NEDD9: variants seen among roughly 807,000 people sequenced by gnomAD.
The protein encoded by NEDD9 is enhancer of filamentation 1.
NEDD9 carries 26 observed loss-of-function variants against 76.6 expected under a neutral mutation model. That is an observed-to-expected ratio of 0.34 (90% CI 0.25 to 0.47). The LOEUF is 0.47. NEDD9 is among the 20% of genes least tolerant of loss of function. The probability of loss-of-function intolerance (pLI) is 1.00; values close to 1 mark genes in which losing one functional copy is unlikely to be tolerated. For synonymous variants in NEDD9, 392 were observed against 414.2 expected (o/e 0.95, Z 0.65); for missense variants, 937 against 1,058.5 (o/e 0.89, Z 1.59).
chr6:11,264,207 GGGCTGGGCAGT>G (rs1174390353), intron 3 of NEDD9, among the ~76,000 whole-genome samples: 1 of 152,186 alleles, frequency 6.6e-6, no homozygotes, highest in African/African-American at 2.4e-5. Flanking sequence ...TTGAGCCCAG[GGGCTGGGCAGT>G]GGCGAGAGGG....
chr6:11,273,949 C>T (rs777894609), intron 3 of NEDD9, among the ~76,000 whole-genome samples: 3 of 152,168 alleles, frequency 2.0e-5, no homozygotes, highest in Non-Finnish European at 2.9e-5. Flanking sequence ...CTGAATGTCA[C>T]GTCAACATCC....
chr6:11,306,808 T>C (rs1761197440), intron 2 of NEDD9, among the ~76,000 whole-genome samples: 2 of 152,232 alleles, frequency 1.3e-5, no homozygotes, highest in Non-Finnish European at 2.9e-5. Context: ...AATGTGGCTT[T>C]TAAATAGCTT....
intron 1 of NEDD9, among the ~76,000 whole-genome samples, chr6:11,366,729 T>TA (rs1002895496): frequency 1.3e-5 from 2 of 152,220 alleles, no homozygotes; most frequent in African/African-American, 4.8e-5. Context: ...GAATGAGCTC[T>TA]AAGCAAATGA....
chr6:11,197,825 A>G (rs2113731181), intron 2 of NEDD9, among the ~76,000 whole-genome samples: 1 of 152,306 alleles, frequency 6.6e-6, no homozygotes, highest in African/African-American at 2.4e-5. Context: ...TTCATGCCTC[A>G]TAATTTTGAA....
intron 2 of NEDD9, among the ~76,000 whole-genome samples, chr6:11,318,914 T>C (rs763926835): frequency 2.6e-5 from 4 of 152,036 alleles, no homozygotes; most frequent in Non-Finnish European, 4.4e-5. Flanking sequence ...ACAGGAGAGG[T>C]GAGAATTTGT....
chr6:11,299,115 A>G (rs1760975247), intron 3 of NEDD9, among the ~76,000 whole-genome samples: 1 of 152,186 alleles, frequency 6.6e-6, no homozygotes. Context: ...CTGTACCTGG[A>G]GAAACAGTAC....
At chr6:11,380,975 T>A (rs1180173757) in intron 1 of NEDD9, among the ~76,000 whole-genome samples, 2 of 152,148 alleles carry the variant, frequency 1.3e-5, no homozygotes, top group South Asian at 4.1e-4. Flanking sequence ...TGCCCAGCTA[T>A]CTTGTTTAAG....
At position 11,200,341 on chromosome 6, in the gene NEDD9, A is replaced by C. The variant is rs726230; in HGVS notation, c.460-6649T>G. ...CATGGAATCAGATGTATGCTTGCCT[A>C]TGAGGCTGGCAGAAGGAAACAAAAT... On this transcript the variant is annotated intron_variant, in intron 2 of 6. Transcript: ENST00000379446. 0.22 allele frequency: 105,548 copies of C among 478,048 alleles called. 14,437 individuals carry two copies. The highest frequency in any genetic ancestry group is 0.49 in the African/African-American group (24,735 of 50,146). The allele number at this position is 478,048 out of a possible 1,614,324, so 29.6% of individuals were successfully genotyped here.
chr6:11,282,813 C>A (rs1760562935), intron 3 of NEDD9, among the ~76,000 whole-genome samples: 2 of 152,218 alleles, frequency 1.3e-5, no homozygotes, highest in African/African-American at 4.8e-5. Flanking sequence ...CTCTGGCTCC[C>A]TGGTGATCTG....
intron 3 of NEDD9, among the ~76,000 whole-genome samples, chr6:11,269,811 A>C (rs1760267648): frequency 6.6e-6 from 1 of 151,788 alleles, no homozygotes; most frequent in Non-Finnish European, 1.5e-5. Flanking sequence ...AAACCATTAA[A>C]AAACAAACAA....
chr6:11,380,319 A>T (rs1036264234), intron 1 of NEDD9, among the ~76,000 whole-genome samples: 10 of 152,240 alleles, frequency 6.6e-5, no homozygotes, highest in South Asian at 2.1e-4. Context: ...CCCAGGAAGC[A>T]TTGATGGGGA....
upstream of NEDD9, among the ~76,000 whole-genome samples, chr6:11,235,813 G>C (rs753755237): frequency 6.6e-6 from 1 of 152,136 alleles, no homozygotes; most frequent in East Asian, 1.9e-4. The surrounding 1 kb of genome is among the most constrained non-coding windows in gnomAD (Gnocchi z 4.1). Context: ...TGTGCTTAGC[G>C]TGGGGTACAC....
chr6:11,184,503 C>G lies in NEDD9; in HGVS notation c.*659G>C, dbSNP rs1757928385. ...GGTCCTGGCCTCTAAACACACAGGTCTCTCTTCCCTCCAGCACCTGAACTA... is the reference window on the plus strand; with the variant it reads ...GGTCCTGGCCTCTAAACACACAGGTGTCTCTTCCCTCCAGCACCTGAACTA... On this transcript the variant is annotated 3_prime_UTR_variant, in exon 7 of 7. Coordinates refer to ENST00000379446, the MANE Select transcript of NEDD9 (RefSeq NM_006403.4). 6.6e-6 allele frequency: 1 copy of G among 152,290 alleles called. No individual in the cohort carries two copies. The allele number at this position is 152,290 out of a possible 1,614,324, so 9.4% of individuals were successfully genotyped here. A position where few individuals can be genotyped will look rare whatever the true frequency, so the allele number is the denominator to read the frequency against.
At chr6:11,368,389 AT>A (rs1362874360) in intron 1 of NEDD9, among the ~76,000 whole-genome samples, 1 of 152,250 alleles carries the variant, frequency 6.6e-6, no homozygotes, top group Non-Finnish European at 1.5e-5. Context: ...TCTTTCTTCT[AT>A]TCCTGAATGA....
intron 1 of NEDD9, among the ~76,000 whole-genome samples, chr6:11,347,795 AAAT>A (rs1216965237): frequency 6.6e-6 from 1 of 152,194 alleles, no homozygotes; most frequent in Non-Finnish European, 1.5e-5. Flanking sequence ...ACATACCTCA[AAAT>A]AATAAGAGCC....
At chr6:11,328,966 C>A (rs763944009) in intron 2 of NEDD9, 1 of 152,230 alleles carries the variant, frequency 6.6e-6, no homozygotes, top group Non-Finnish European at 1.5e-5. Context: ...TAAATAATGA[C>A]AAACATTTGC....
chr6:11,342,800 A>C (rs890795869), intron 1 of NEDD9, among the ~76,000 whole-genome samples: 1 of 152,256 alleles, frequency 6.6e-6, no homozygotes, highest in African/African-American at 2.4e-5. Flanking sequence ...GTAATAAAAA[A>C]ATAATGACTG....
chr6:11,361,539 A>T (rs1762679989), intron 1 of NEDD9, among the ~76,000 whole-genome samples: 2 of 152,128 alleles, frequency 1.3e-5, no homozygotes, highest in South Asian at 4.2e-4. Flanking sequence ...ATACAGCACC[A>T]AGCCATGAGG....
intron 2 of NEDD9, among the ~76,000 whole-genome samples, chr6:11,205,908 A>C (rs568618766): frequency 6.6e-6 from 1 of 152,316 alleles, no homozygotes; most frequent in South Asian, 2.1e-4. Flanking sequence ...AATTACAGGC[A>C]TGCGCCACTG....
Sources: gnomAD v4.1 joint callset for allele counts (sites outside exome capture counted in the v4.1 genomes callset) on GRCh38, gnomAD v4.1.1 for gene constraint, Gnocchi (gnomAD v3.1) non-coding constraint, MANE v1.5 for transcripts, NCBI Gene and HGNC (gene_info 2026-07-23, HGNC 2026-07-21) for gene names.